Variants in KCNMB2 observed in about 807,000 individuals in gnomAD.
The protein encoded by KCNMB2 is calcium-activated potassium channel subunit beta-2.
KCNMB2 carries 9 observed loss-of-function variants against 24.5 expected under a neutral mutation model. The observed-to-expected ratio is 0.37, with a 90% CI of 0.22 to 0.64. KCNMB2 has a LOEUF of 0.64. Among genes scored for constraint, KCNMB2 ranks in the 30% least tolerant of loss-of-function variants. KCNMB2 has a pLI of 0.63. For missense variants in KCNMB2, 226 were observed against 284.3 expected (o/e 0.79, Z 1.47); for synonymous variants, 109 against 104.4 (o/e 1.04, Z -0.27).
At position 178,538,316 on chromosome 3, in the gene KCNMB2, T is replaced by C. The variant is rs536953371; in HGVS notation, c.-68+1605T>C. ...GCTATGACATCGTTTTCTGCTTCTA[T>C]GTTACCAGTGAAATGTGTGCCCTTG... On this transcript the variant is annotated intron_variant, in intron 1 of 4. Transcript: ENST00000452583. 7.2e-5 allele frequency among the ~76,000 whole-genome samples: 11 copies of C among 152,340 alleles called. No homozygotes were observed. In the East Asian group the frequency reaches 2.1e-3, roughly 29 times the overall value.
At chr3:178,713,273 G>A (rs922453251) in intron 1 of KCNMB2, among the ~76,000 whole-genome samples, 2 of 152,170 alleles carry the variant, frequency 1.3e-5, no homozygotes, top group Non-Finnish European at 2.9e-5. Flanking sequence ...CATTGGGTAT[G>A]GGCAAATACT....
intron 1 of KCNMB2, among the ~76,000 whole-genome samples, chr3:178,758,186 G>A (rs1291211549): frequency 2.1e-5 from 1 of 48,364 alleles, no homozygotes; most frequent in Non-Finnish European, 3.8e-5. Flanking sequence ...ATATATCCAA[G>A]GGGATATATA....
At chr3:178,552,874 A>G (rs1382039) in intron 1 of KCNMB2, among the ~76,000 whole-genome samples, 122,193 of 152,168 alleles carry the variant, frequency 0.8, 49,719 homozygotes, top group African/African-American at 0.95. Context: ...GACAGCCCCC[A>G]TAATGATGCT....
intron 1 of KCNMB2, among the ~76,000 whole-genome samples, chr3:178,542,473 C>T (rs1256313852): frequency 1.3e-5 from 2 of 152,104 alleles, no homozygotes; most frequent in African/African-American, 2.4e-5. Flanking sequence ...TTCCATTGAA[C>T]AGATAAGAAA....
intron 1 of KCNMB2, among the ~76,000 whole-genome samples, chr3:178,714,183 C>T (rs555461983): frequency 6.6e-6 from 1 of 152,266 alleles, no homozygotes; most frequent in Non-Finnish European, 1.5e-5. Context: ...ACTCTTTCTT[C>T]TTCAGTGCTT....
chr3:178,556,454 G>C (rs748813606), intron 1 of KCNMB2, among the ~76,000 whole-genome samples: 1 of 152,142 alleles, frequency 6.6e-6, no homozygotes, highest in Non-Finnish European at 1.5e-5. Flanking sequence ...GACCAGGCTA[G>C]AGTGCAATGG....
chr3:178,698,270 T>C (rs1239364733), intron 1 of KCNMB2, among the ~76,000 whole-genome samples: 4 of 152,202 alleles, frequency 2.6e-5, no homozygotes. Context: ...GAGTCACAGA[T>C]TCATATCTTT....
At chr3:178,556,962 G>A (rs926159815) in intron 1 of KCNMB2, among the ~76,000 whole-genome samples, 10 of 152,278 alleles carry the variant, frequency 6.6e-5, no homozygotes, top group South Asian at 4.1e-4. Context: ...GCATAGAATC[G>A]TAGCTTGAGG....
chr3:178,633,014 T>A lies in KCNMB2; in HGVS notation c.-68+96303T>A. ...ATTAAACCTTAAAGTTACAAAATGA[T>A]CCCCTTTGACTCCATGTCTCACACA... On this transcript the variant is annotated intron_variant, in intron 1 of 4. Coordinates refer to ENST00000452583, the MANE Select transcript of KCNMB2 (RefSeq NM_181361.3). 1.3e-5 allele frequency among the ~76,000 whole-genome samples: 2 copies of A among 152,110 alleles called. 1 individual carries two copies. Among genetic ancestry groups the A allele is most frequent in the Non-Finnish European group, 2.9e-5 (2 of 68,026 alleles).
At chr3:178,693,601 A>C (rs1721762221) in intron 1 of KCNMB2, among the ~76,000 whole-genome samples, 1 of 152,202 alleles carries the variant, frequency 6.6e-6, no homozygotes, top group Non-Finnish European at 1.5e-5. Context: ...AATAATGCCT[A>C]CTTGATCATG....
At chr3:178,703,397 A>T (rs937717215) in intron 1 of KCNMB2, among the ~76,000 whole-genome samples, 2 of 152,066 alleles carry the variant, frequency 1.3e-5, no homozygotes, top group Admixed American at 6.6e-5. Flanking sequence ...TAAAGGGGAG[A>T]AAAAAGGAAA....
At chr3:178,808,205 C>T (rs1714055002) in intron 2 of KCNMB2, among the ~76,000 whole-genome samples, 1 of 152,158 alleles carries the variant, frequency 6.6e-6, no homozygotes. Context: ...AGTCCTCTCA[C>T]TTGGGTTTAG....
chr3:178,779,952 T>A (rs1712754744), intron 1 of KCNMB2, among the ~76,000 whole-genome samples: 1 of 151,352 alleles, frequency 6.6e-6, no homozygotes, highest in Admixed American at 6.6e-5. Flanking sequence ...ATAAAAGAAA[T>A]ATAGGATAAA....
intron 1 of KCNMB2, among the ~76,000 whole-genome samples, chr3:178,635,424 C>T (rs979524522): frequency 6.6e-6 from 1 of 151,902 alleles, no homozygotes; most frequent in African/African-American, 2.4e-5. Flanking sequence ...CACACACACA[C>T]ACACACACAC....
At chr3:178,647,824 G>C (rs1719970069) in intron 1 of KCNMB2, among the ~76,000 whole-genome samples, 1 of 151,920 alleles carries the variant, frequency 6.6e-6, no homozygotes, top group South Asian at 2.1e-4. Flanking sequence ...AAATATAGTA[G>C]GACATATAAT....
chr3:178,668,350 A>C (rs11921081), intron 1 of KCNMB2, among the ~76,000 whole-genome samples: 5,030 of 152,214 alleles, frequency 0.033, 214 homozygotes, highest in East Asian at 0.18. Context: ...CTGTGGCTTA[A>C]GTGTGTATTG....
At chr3:178,759,310 C>A (rs1711571962) in intron 1 of KCNMB2, among the ~76,000 whole-genome samples, 1 of 88,104 alleles carries the variant, frequency 1.1e-5, no homozygotes, top group Admixed American at 1.3e-4. Context: ...TATATATCTC[C>A]AAGAGGATAT....
At chr3:178,631,808 T>G (rs897050068) in intron 1 of KCNMB2, among the ~76,000 whole-genome samples, 8 of 152,212 alleles carry the variant, frequency 5.3e-5, no homozygotes, top group African/African-American at 1.9e-4. Context: ...TTAACTGCAC[T>G]AACAATTCTC....
At chr3:178,738,280 G>C (rs1029396834) in intron 1 of KCNMB2, among the ~76,000 whole-genome samples, 1 of 152,032 alleles carries the variant, frequency 6.6e-6, no homozygotes, top group East Asian at 1.9e-4. Flanking sequence ...CTTAGTCCCA[G>C]CCACCGGCAT....
Sources: gnomAD v4.1 joint callset for allele counts (sites outside exome capture counted in the v4.1 genomes callset) on GRCh38, gnomAD v4.1.1 for gene constraint, MANE v1.5 for transcripts, NCBI Gene and HGNC (gene_info 2026-07-23, HGNC 2026-07-21) for gene names.